PREX2: variants seen among roughly 807,000 people sequenced by gnomAD.
PREX2 encodes phosphatidylinositol-3,4,5-trisphosphate dependent Rac exchange factor 2.
A neutral mutation model predicts 203.2 loss-of-function variants in PREX2; 107 were observed. The ratio of observed to expected loss-of-function variants is 0.53; its 90% CI spans 0.45 to 0.62. The LOEUF (loss-of-function observed/expected upper bound fraction) is 0.62. PREX2 is among the 20% of genes least tolerant of loss of function. The pLI is 0.00. For synonymous variants in PREX2, 672 were observed against 663.6 expected, an observed-to-expected ratio of 1.01 and a Z score of -0.19; for missense variants, 1,777 against 1,955.9, an observed-to-expected ratio of 0.91 and a Z score of 1.72.
Position 68,108,286 on chromosome 8 carries a change from A to G in PREX2, c.2893A>G (p.Arg965Gly). 1.9e-6 allele frequency: 3 copies of G among 1,613,994 alleles called. No individual in the cohort carries two copies. Among genetic ancestry groups the G allele is most frequent in the South Asian group, 1.1e-5 (1 of 91,070 alleles). ...TGCATTTGGTGTTCAGTTGGATAGC[A>G]GGAAGCATAATTCTCATGATAAAGA... ...GSAFGVQLDS[R>G]KHNSHDKENK... Residue 965 changes from arginine (R) to glycine (G), a missense_variant, in exon 24 of 40, where the codon AGG becomes GGG. By Grantham distance (125) the Arg-to-Gly change is moderately radical (BLOSUM62 -2). Transcript: ENST00000288368.
chr8:68,217,542 A>G (rs1348161461), intron 37 of PREX2, 74 bp from the exon 38 acceptor site: 12 of 1,050,956 alleles, frequency 1.1e-5, no homozygotes, highest in Non-Finnish European at 1.8e-5. Context: ...TGATTTTGTG[A>G]TTAGTAATCC....
chr8:68,045,346 A>C (rs1420563954), intron 8 of PREX2, among the ~76,000 whole-genome samples: 3 of 152,148 alleles, frequency 2.0e-5, no homozygotes, highest in Non-Finnish European at 4.4e-5. Flanking sequence ...GAAATGCAGT[A>C]TACTAACTGT....
Position 68,119,521 on chromosome 8 carries a change from T to G in PREX2, c.3504+7T>G. On this transcript the variant is annotated splice_region_variant and intron_variant, in intron 28 of 39. Coordinates refer to ENST00000288368, the MANE Select transcript of PREX2 (RefSeq NM_024870.4). ...TGAGCATCTTTTCAGCCAGGTACAATCGGGCATTTGTGGGGCTTTTGTTCC... is the reference window on the plus strand; with the variant it reads ...TGAGCATCTTTTCAGCCAGGTACAAGCGGGCATTTGTGGGGCTTTTGTTCC... 6.2e-7 allele frequency: 1 copy of G among 1,608,360 alleles called. No individual in the cohort carries two copies. The highest frequency in any genetic ancestry group is 8.5e-7 in the Non-Finnish European group (1 of 1,174,976).
intron 5 of PREX2, among the ~76,000 whole-genome samples, chr8:68,029,346 A>G (rs1563508067): frequency 6.6e-6 from 1 of 152,054 alleles, no homozygotes; most frequent in African/African-American, 2.4e-5. Flanking sequence ...ACCACTTGAC[A>G]TAGAGGCACC....
intron 1 of PREX2, among the ~76,000 whole-genome samples, chr8:67,982,645 T>A (rs1355139484): frequency 6.6e-6 from 1 of 152,200 alleles, no homozygotes; most frequent in African/African-American, 2.4e-5. Flanking sequence ...GAGCTGCTGA[T>A]CACTTGCATA....
rs1321861868 is a variant in PREX2, at chr8:68,093,495, T to G, written c.2251-110T>G. 1.7e-5 allele frequency: 9 copies of G among 522,144 alleles called. No homozygotes were observed. In the East Asian group the frequency reaches 2.3e-4, roughly 14 times the overall value. 32.3% of individuals were successfully genotyped at this position (522,144 alleles called of 1,614,324 possible). On this transcript the variant is annotated intron_variant, in intron 20 of 39. Coordinates refer to ENST00000288368, the MANE Select transcript of PREX2 (RefSeq NM_024870.4). ...TGTTAATTGTATCTCTCTTTCAAAT[T>G]TTACTAATTTTAAAGAATCTAGAGG...
At chr8:68,146,748 T>A (rs7828397) in intron 34 of PREX2, among the ~76,000 whole-genome samples, 2 of 152,096 alleles carry the variant, frequency 1.3e-5, no homozygotes, top group Admixed American at 6.5e-5. Flanking sequence ...ATATCACACA[T>A]GTATGTCTAT....
In PREX2 at chr8:68,198,713, T is replaced by G. The variant is rs574340596; in HGVS notation, c.4604+6188T>G. ...TCCTTAGCCAGTAGGAACAAGTGAG[T>G]AGAAATTTGCAGAGTCTACCTGAAA... On this transcript the variant is annotated intron_variant, in intron 37 of 39. Transcript: ENST00000288368. 8.9e-4 allele frequency among the ~76,000 whole-genome samples: 136 copies of G among 152,292 alleles called. 1 individual carries two copies. Among genetic ancestry groups the G allele is most frequent in the Non-Finnish European group, 3.8e-4 (26 of 68,024 alleles).
intron 8 of PREX2, among the ~76,000 whole-genome samples, chr8:68,047,460 T>C (rs1298342082): frequency 8.0e-6 from 1 of 124,366 alleles, no homozygotes; most frequent in Non-Finnish European, 1.7e-5. Flanking sequence ...AATAATAAAA[T>C]GGATGAATTT....
chr8:68,029,576 A>T (rs1258951590), intron 5 of PREX2, among the ~76,000 whole-genome samples: 3 of 152,166 alleles, frequency 2.0e-5, no homozygotes, highest in Non-Finnish European at 4.4e-5. Context: ...TAACAACTGC[A>T]TATTTTCCCA....
intron 8 of PREX2, among the ~76,000 whole-genome samples, chr8:68,047,960 T>C: frequency 6.6e-6 from 1 of 152,158 alleles, no homozygotes; most frequent in South Asian, 2.1e-4. Flanking sequence ...AATGACTTGG[T>C]TTATATCATA....
intron 37 of PREX2, among the ~76,000 whole-genome samples, chr8:68,210,461 G>A (rs552289624): frequency 1.3e-5 from 2 of 152,268 alleles, no homozygotes; most frequent in East Asian, 3.9e-4. Context: ...AAATATCAGT[G>A]TTCCTGACAG....
intron 23 of PREX2, chr8:68,101,372 C>T (rs200688403): frequency 1.9e-6 from 1 of 518,612 alleles, no homozygotes; most frequent in East Asian, 5.4e-5. Context: ...GTTGAGTTTG[C>T]ATTACTATTG....
intron 1 of PREX2, among the ~76,000 whole-genome samples, chr8:67,967,009 A>T (rs1180145294): frequency 1.3e-5 from 2 of 152,242 alleles, no homozygotes; most frequent in African/African-American, 4.8e-5. Context: ...TGAAGCAGAG[A>T]AGAGGAATAA....
intron 37 of PREX2, among the ~76,000 whole-genome samples, chr8:68,211,141 C>T (rs1215955938): frequency 6.6e-6 from 1 of 152,116 alleles, no homozygotes; most frequent in Non-Finnish European, 1.5e-5. Context: ...GTAAAATAAA[C>T]TCAAGATCTG....
At chr8:67,952,719 G>A in intron 1 of PREX2, 184 bp downstream of exon 1, 2 of 792,592 alleles carry the variant, frequency 2.5e-6, no homozygotes, top group Non-Finnish European at 2.1e-6. Context: ...GCGGGGATTT[G>A]TTGGTGCCCC....
intron 34 of PREX2, 51 bp downstream of exon 34, chr8:68,146,403 A>G (rs1463243056): frequency 7.1e-7 from 1 of 1,401,776 alleles, no homozygotes; most frequent in Non-Finnish European, 9.8e-7. Flanking sequence ...TTTTATCTTT[A>G]TTAATGCTTT....
intron 15 of PREX2, 144 bp from the exon 16 acceptor site, chr8:68,080,299 G>A (rs983070758): frequency 3.0e-5 from 17 of 561,406 alleles, no homozygotes; most frequent in Admixed American, 1.6e-4. Context: ...AACAAAACCC[G>A]GGGCTACTTG....
chr8:68,025,193 CT>C (rs749467612), intron 4 of PREX2, among the ~76,000 whole-genome samples: 6 of 151,034 alleles, frequency 4.0e-5, no homozygotes, highest in South Asian at 4.2e-4. Flanking sequence ...TTTGCTCAGT[CT>C]TTTTTTTTAT....
Sources: allele counts gnomAD v4.1 joint callset (sites outside exome capture counted in the v4.1 genomes callset), GRCh38; gene constraint gnomAD v4.1.1; transcripts MANE v1.5; gene names NCBI Gene and HGNC (gene_info 2026-07-23, HGNC 2026-07-21).